Variants in PCTP observed in about 807,000 individuals in gnomAD.
The protein encoded by PCTP is START domain-containing protein 2.
Under a neutral mutation model 31.0 loss-of-function variants are expected in PCTP, and 27 were observed. The ratio of observed to expected loss-of-function variants is 0.87; its 90% confidence interval spans 0.64 to 1.20. The LOEUF (loss-of-function observed/expected upper bound fraction) is 1.20. PCTP is among the 50% of genes most tolerant of loss of function. The pLI is 0.00. For synonymous variants in PCTP, 108 were observed against 101.2 expected, an observed-to-expected ratio of 1.07 and a Z score of -0.40; for missense variants, 287 against 268.2, an observed-to-expected ratio of 1.07 and a Z score of -0.49.
intron 3 of PCTP, among the ~76,000 whole-genome samples, chr17:55,787,847 A>G (rs573698596): frequency 6.6e-6 from 1 of 152,278 alleles, no homozygotes; most frequent in Non-Finnish European, 1.5e-5. Context: ...ATCATAATGT[A>G]CAATAATTTT....
At chr17:55,821,182 A>AT (rs1402614651) in intron 3 of PCTP, among the ~76,000 whole-genome samples, 1 of 152,216 alleles carries the variant, frequency 6.6e-6, no homozygotes, top group Non-Finnish European at 1.5e-5. Flanking sequence ...AACATAATAT[A>AT]TCTGTACAAT....
At chr17:55,766,684 C>A (rs1910680048) in intron 1 of PCTP, among the ~76,000 whole-genome samples, 1 of 152,008 alleles carries the variant, frequency 6.6e-6, no homozygotes, top group African/African-American at 2.4e-5. Flanking sequence ...GGGTTGGTTC[C>A]AAGTCTTTGC....
chr17:55,779,363 C>A (rs1176933662), downstream of PCTP, among the ~76,000 whole-genome samples: 6 of 152,184 alleles, frequency 3.9e-5, no homozygotes, highest in Non-Finnish European at 8.8e-5. Flanking sequence ...CAGAGGAGAA[C>A]ATGTTGGAAT....
intron 3 of PCTP, among the ~76,000 whole-genome samples, chr17:55,788,181 G>A (rs1911820148): frequency 6.6e-6 from 1 of 152,112 alleles, no homozygotes; most frequent in South Asian, 2.1e-4. Flanking sequence ...CCAAAATGAA[G>A]GACTTCACAC....
chr17:55,812,396 C>T (rs563371412), intron 3 of PCTP, among the ~76,000 whole-genome samples: 4 of 152,296 alleles, frequency 2.6e-5, no homozygotes, highest in African/African-American at 9.6e-5. Flanking sequence ...TGCTTAGAGA[C>T]GTTAAGCAGG....
At chr17:55,802,148 C>T (rs967353778) in intron 3 of PCTP, among the ~76,000 whole-genome samples, 2 of 152,176 alleles carry the variant, frequency 1.3e-5, no homozygotes, top group African/African-American at 4.8e-5. Context: ...CACATACACA[C>T]TCCCAAGACT....
chr17:55,760,552 G>A (rs1910286849), intron 1 of PCTP, among the ~76,000 whole-genome samples: 1 of 152,170 alleles, frequency 6.6e-6, no homozygotes, highest in African/African-American at 2.4e-5. Flanking sequence ...CCACCACACT[G>A]TCTTTTCTGA....
At position 55,777,254 on chromosome 17, in the gene PCTP, CAG is replaced by C. The variant is rs1157953719; in HGVS notation, c.*1156_*1157del. On this transcript the variant is annotated 3_prime_UTR_variant, in exon 6 of 6. Transcript: ENST00000268896. ...AATGATACTGAACCTTGATTAATAACAGAAATTCAGGATGTAAAGCCACAGAA... is the reference window on the plus strand; with the variant it reads ...AATGATACTGAACCTTGATTAATAACAAATTCAGGATGTAAAGCCACAGAA... 2 of 985,390 alleles carry C rather than the reference CAG, an allele frequency of 2.0e-6. No individual in the cohort carries two copies. Among genetic ancestry groups the C allele is most frequent in the Non-Finnish European group, 1.2e-6 (1 of 829,680 alleles). The allele number at this position is 985,390 out of a possible 1,614,324, so 61.0% of individuals were successfully genotyped here.
intron 5 of PCTP, among the ~76,000 whole-genome samples, chr17:55,839,924 A>C (rs1905912775): frequency 6.8e-6 from 1 of 147,346 alleles, no homozygotes; most frequent in Non-Finnish European, 1.5e-5. Context: ...AGTCTCAAAA[A>C]AAAAAAAAAA....
chr17:55,839,645 G>T lies in PCTP; in HGVS notation n.506-3082G>T, dbSNP rs113950898. On this transcript the variant is annotated intron_variant and non_coding_transcript_variant, in intron 5 of 5. Transcript: ENST00000576221. ...TTGGTGATAAACAACAACTGGCCGG[G>T]CGCGGTGGCTCACGCCTGTAATCCC... Among the ~76,000 whole-genome samples the T allele has an allele frequency of 3.6e-3, 545 of 152,264 alleles. 2 individuals are homozygous for T. Among genetic ancestry groups the T allele is most frequent in the African/African-American group, 0.013 (521 of 41,560 alleles).
At chr17:55,808,419 C>A (rs1912643552) in intron 3 of PCTP, among the ~76,000 whole-genome samples, 1 of 152,216 alleles carries the variant, frequency 6.6e-6, no homozygotes, top group Non-Finnish European at 1.5e-5. Flanking sequence ...GGTAACTCAT[C>A]CATGTTGGCT....
downstream of PCTP, among the ~76,000 whole-genome samples, chr17:55,824,025 A>C (rs2145068397): frequency 6.6e-6 from 1 of 152,326 alleles, no homozygotes; most frequent in South Asian, 2.1e-4. Context: ...TCTCAGATCT[A>C]CTGGTGGTAT....
intron 5 of PCTP, among the ~76,000 whole-genome samples, chr17:55,831,588 G>T (rs1281086139): frequency 6.6e-6 from 1 of 152,204 alleles, no homozygotes; most frequent in African/African-American, 2.4e-5. Context: ...AAAGGGTTTT[G>T]TGTCCTTAAA....
chr17:55,852,234 G>A, the PCTP span, among the ~76,000 whole-genome samples: 3 of 152,166 alleles, frequency 2.0e-5, no homozygotes, highest in African/African-American at 7.2e-5. Context: ...AATAAGACAA[G>A]AGTATGTCTT....
chr17:55,792,798 A>G (rs1567723059), intron 3 of PCTP, among the ~76,000 whole-genome samples: 2 of 152,114 alleles, frequency 1.3e-5, no homozygotes, highest in Non-Finnish European at 2.9e-5. Context: ...TTTCATTTCA[A>G]GTATTTGTCT....
chr17:55,764,180 A>G (rs969569773), intron 1 of PCTP, among the ~76,000 whole-genome samples: 5 of 152,228 alleles, frequency 3.3e-5, no homozygotes, highest in African/African-American at 9.6e-5. Context: ...GTTTTAATTT[A>G]TGCAGATATC....
exon 4 of PCTP, chr17:55,823,038 T>A: frequency 2.9e-6 from 1 of 339,596 alleles, no homozygotes; most frequent in Non-Finnish European, 5.2e-6. Flanking sequence ...GTGTTCACTA[T>A]CATCTATGTA....
At chr17:55,835,871 G>T (rs951672391) in intron 5 of PCTP, among the ~76,000 whole-genome samples, 1 of 152,168 alleles carries the variant, frequency 6.6e-6, no homozygotes, top group African/African-American at 2.4e-5. Flanking sequence ...GAAAACTGAG[G>T]GAACATACTA....
intron 1 of PCTP, among the ~76,000 whole-genome samples, chr17:55,752,578 T>G (rs1445869156): frequency 1.3e-5 from 2 of 152,220 alleles, no homozygotes; most frequent in Non-Finnish European, 2.9e-5. Context: ...TTGCTTTGGA[T>G]GCAGTCCGTC....
Sources: gnomAD v4.1 joint callset for allele counts (sites outside exome capture counted in the v4.1 genomes callset) on GRCh38, gnomAD v4.1.1 for gene constraint, MANE v1.5 for transcripts, NCBI Gene and HGNC (gene_info 2026-07-23, HGNC 2026-07-21) for gene names.